The following CFAP263 variants were observed in gnomAD, a reference collection of about 807,000 sequenced individuals.
CFAP263 encodes cilia- and flagella-associated protein 263.
the CFAP263 span, among the ~76,000 whole-genome samples, chr16:58,275,607 G>A: frequency 1.3e-5 from 2 of 152,120 alleles, no homozygotes; most frequent in Non-Finnish European, 2.9e-5. Flanking sequence ...TAGGCTGGAA[G>A]ATCAAAGAAA....
the CFAP263 span, among the ~76,000 whole-genome samples, chr16:58,269,390 G>A: frequency 9.3e-6 from 1 of 107,490 alleles, no homozygotes; most frequent in African/African-American, 4.0e-5. Flanking sequence ...AGAAAGGAAG[G>A]AAAGAGGAAA....
chr16:58,279,643 C>T, the CFAP263 span: 1 of 1,457,468 alleles, frequency 6.9e-7, no homozygotes, highest in Non-Finnish European at 9.2e-7. Context: ...ACTTTCTCCC[C>T]CATCTCCTTT....
At chr16:58,271,561 G>C in the CFAP263 span, among the ~76,000 whole-genome samples, 2 of 152,190 alleles carry the variant, frequency 1.3e-5, no homozygotes, top group Admixed American at 6.5e-5. Flanking sequence ...TCTTGGCTGA[G>C]ACAGTTTCTC....
chr16:58,266,547 G>T, the CFAP263 span, among the ~76,000 whole-genome samples: 11 of 151,128 alleles, frequency 7.3e-5, no homozygotes, highest in Admixed American at 7.3e-4. Context: ...TCCGGGCTGT[G>T]AGCCAGCCTT....
chr16:58,269,386 G>GAAAGAAAGAAAGA, the CFAP263 span, among the ~76,000 whole-genome samples: 2 of 52,688 alleles, frequency 3.8e-5, no homozygotes, highest in Non-Finnish European at 7.5e-5. Flanking sequence ...AAGAAGAAAG[G>GAAAGAAAGAAAGA]AAGGAAAGAG....
chr16:58,258,757 G>A, the CFAP263 span, among the ~76,000 whole-genome samples: 5 of 152,018 alleles, frequency 3.3e-5, no homozygotes, highest in East Asian at 3.9e-4. Context: ...AGGCTGAGGC[G>A]GGTGGATCAT....
At chr16:58,280,344 A>G in the CFAP263 span, 1 of 1,614,184 alleles carries the variant, frequency 6.2e-7, no homozygotes, top group Non-Finnish European at 8.5e-7. Flanking sequence ...CGTAATAGTC[A>G]TAGTATAAGG....
chr16:58,258,843 G>A, the CFAP263 span, among the ~76,000 whole-genome samples: 1 of 151,992 alleles, frequency 6.6e-6, no homozygotes, highest in African/African-American at 2.4e-5. Flanking sequence ...GCTGGGCGAG[G>A]TGTTTGTGCC....
chr16:58,273,732 C>G, the CFAP263 span, among the ~76,000 whole-genome samples: 1 of 152,112 alleles, frequency 6.6e-6, no homozygotes, highest in Non-Finnish European at 1.5e-5. Flanking sequence ...TATTTCTTTG[C>G]CTATCTCATA....
the CFAP263 span, among the ~76,000 whole-genome samples, chr16:58,279,310 C>G: frequency 6.6e-6 from 1 of 152,144 alleles, no homozygotes; most frequent in African/African-American, 2.4e-5. Context: ...CACATCTAGA[C>G]CCTGGCTCCC....
the CFAP263 span, among the ~76,000 whole-genome samples, chr16:58,255,328 C>T: frequency 6.6e-6 from 1 of 152,304 alleles, no homozygotes; most frequent in Middle Eastern, 3.4e-3. Context: ...CTTCTTCCAC[C>T]TGCTTTGCTC....
At chr16:58,281,298 A>G in the CFAP263 span, 2 of 158,370 alleles carry the variant, frequency 1.3e-5, no homozygotes, top group Admixed American at 5.9e-5. Context: ...GAAGCTTGGC[A>G]TCATTAGCTA....
the CFAP263 span, among the ~76,000 whole-genome samples, chr16:58,253,415 T>C: frequency 6.6e-6 from 1 of 151,910 alleles, no homozygotes; most frequent in African/African-American, 2.4e-5. Flanking sequence ...TTCATTTAAA[T>C]TGAGGGACTC....
At chr16:58,266,016 C>T in the CFAP263 span, among the ~76,000 whole-genome samples, 1 of 152,192 alleles carries the variant, frequency 6.6e-6, no homozygotes, top group Non-Finnish European at 1.5e-5. Context: ...ACGTCTGACC[C>T]CATCAGTGTG....
At chr16:58,269,432 GAAAGA>G in the CFAP263 span, among the ~76,000 whole-genome samples, 80 of 151,742 alleles carry the variant, frequency 5.3e-4, no homozygotes, top group African/African-American at 1.9e-3. Context: ...GGAAAGAAAG[GAAAGA>G]AAGGAAGGAA....
chr16:58,257,956 A>T, the CFAP263 span, among the ~76,000 whole-genome samples: 1 of 152,054 alleles, frequency 6.6e-6, no homozygotes, highest in South Asian at 2.1e-4. Flanking sequence ...AAAAATACAC[A>T]AATTAGCCAG....
At chr16:58,253,711 T>C in the CFAP263 span, among the ~76,000 whole-genome samples, 1 of 152,226 alleles carries the variant, frequency 6.6e-6, no homozygotes, top group Non-Finnish European at 1.5e-5. Flanking sequence ...AATGCTAGTC[T>C]ATAGCAGGTT....
chr16:58,280,321 C>T, the CFAP263 span: 5 of 1,614,048 alleles, frequency 3.1e-6, no homozygotes, highest in African/African-American at 2.7e-5. Context: ...CCTACCTTCC[C>T]CCACCTCCCC....
the CFAP263 span, among the ~76,000 whole-genome samples, chr16:58,256,215 C>G: frequency 6.6e-6 from 1 of 152,228 alleles, no homozygotes; most frequent in South Asian, 2.1e-4. Flanking sequence ...CCCCTCCTCT[C>G]TCTCTTTCTA....
Sources: allele counts gnomAD v4.1 joint callset (sites outside exome capture counted in the v4.1 genomes callset), GRCh38; gene constraint gnomAD v4.1.1; transcripts MANE v1.5; gene names NCBI Gene and HGNC (gene_info 2026-07-23, HGNC 2026-07-21).